CTNNAL1: variants seen among roughly 807,000 people sequenced by gnomAD.
The protein encoded by CTNNAL1 is catenin alpha like 1, also known as alpha-catulin.
A neutral mutation model predicts 93.6 loss-of-function variants in CTNNAL1; 69 were observed. The observed-to-expected ratio is 0.74, with a 90% CI of 0.61 to 0.90. The LOEUF (loss-of-function observed/expected upper bound fraction) is 0.90. CTNNAL1 is among the 40% of genes least tolerant of loss of function. The pLI is 0.00. For missense variants in CTNNAL1, 836 were observed against 862.0 expected, an observed-to-expected ratio of 0.97 and a Z score of 0.38; for synonymous variants, 286 against 305.4, an observed-to-expected ratio of 0.94 and a Z score of 0.66.
rs543938037 is a variant in CTNNAL1, at chr9:109,013,053, C to A, written c.141+249G>T. Among the ~76,000 whole-genome samples the A allele has an allele frequency of 2.6e-4, 40 of 152,298 alleles. No individual in the cohort carries two copies. The East Asian group carries it at 7.6e-3, about 29-fold the overall frequency. On this transcript the variant is annotated intron_variant, in intron 1 of 18. Transcript: ENST00000325551. ...CTGGGGGCAAAGGCCCAGGCCGGCACCCCCGCCCCGCAGCCTCCCCTGCTG... is the reference window on the plus strand; with the variant it reads ...CTGGGGGCAAAGGCCCAGGCCGGCAACCCCGCCCCGCAGCCTCCCCTGCTG...
At position 108,944,023 on chromosome 9, in the gene CTNNAL1, T is replaced by G. The variant is rs1473097655; in HGVS notation, c.1885-5A>C. ...TAAACCCTCTGCAGCAAAAACCTGG[T>G]AGAAAGAGAAAACACCACTATTTTA... On this transcript the variant is annotated splice_region_variant and splice_polypyrimidine_tract_variant and intron_variant, in intron 15 of 18. Transcript: ENST00000325551. 1 of 1,612,964 alleles carries G rather than the reference T, an allele frequency of 6.2e-7. No homozygotes were observed. Among genetic ancestry groups the G allele is most frequent in the East Asian group, 2.2e-5 (1 of 44,864 alleles).
chr9:108,957,058 T>A (rs1056137855), intron 11 of CTNNAL1, among the ~76,000 whole-genome samples: 2 of 151,766 alleles, frequency 1.3e-5, no homozygotes, highest in East Asian at 1.9e-4. Context: ...GATATTTGGG[T>A]TAAAAATTAT....
intron 4 of CTNNAL1, among the ~76,000 whole-genome samples, chr9:108,985,588 G>T (rs1419624189): frequency 6.6e-6 from 1 of 152,170 alleles, no homozygotes; most frequent in African/African-American, 2.4e-5. Flanking sequence ...TACAAATAGT[G>T]TACGACAAAG....
At chr9:108,963,332 C>T (rs1830868927) in intron 11 of CTNNAL1, among the ~76,000 whole-genome samples, 1 of 152,214 alleles carries the variant, frequency 6.6e-6, no homozygotes, top group Non-Finnish European at 1.5e-5. Flanking sequence ...GAAGGGGGCT[C>T]AGGCCCTTGG....
At chr9:108,973,990 G>A (rs1831190594) in intron 8 of CTNNAL1, among the ~76,000 whole-genome samples, 2 of 152,168 alleles carry the variant, frequency 1.3e-5, no homozygotes, top group South Asian at 4.1e-4. Flanking sequence ...TGTTTCACCA[G>A]CAGGACCTTA....
intron 9 of CTNNAL1, among the ~76,000 whole-genome samples, chr9:108,972,233 C>T (rs1414726950): frequency 6.6e-6 from 1 of 152,190 alleles, no homozygotes; most frequent in African/African-American, 2.4e-5. Context: ...CTTGCTACCA[C>T]TCGCCCCAAT....
intron 11 of CTNNAL1, among the ~76,000 whole-genome samples, chr9:108,962,548 C>G (rs1417800950): frequency 6.6e-6 from 1 of 152,064 alleles, no homozygotes; most frequent in Non-Finnish European, 1.5e-5. Flanking sequence ...TACAAAGAAG[C>G]AAGGAGTTTA....
chr9:108,961,248 G>A (rs906738246), intron 11 of CTNNAL1, among the ~76,000 whole-genome samples: 1 of 152,194 alleles, frequency 6.6e-6, no homozygotes, highest in African/African-American at 2.4e-5. Context: ...GCAGTGGGCA[G>A]GTGCAAGGTA....
At chr9:108,992,172 T>C (rs1831834755) in intron 3 of CTNNAL1, 2 of 635,012 alleles carry the variant, frequency 3.1e-6, no homozygotes, top group Non-Finnish European at 2.8e-6. Flanking sequence ...CCAAATGTTG[T>C]ACACATTTAA....
intron 1 of CTNNAL1, among the ~76,000 whole-genome samples, chr9:109,008,375 G>A (rs569757960): frequency 3.7e-4 from 56 of 152,014 alleles, no homozygotes; most frequent in Middle Eastern, 3.4e-3. Context: ...TCAAACTCCC[G>A]ACCTCAGGTG....
intron 1 of CTNNAL1, among the ~76,000 whole-genome samples, chr9:109,000,163 C>T (rs919654518): frequency 2.0e-5 from 3 of 152,204 alleles, no homozygotes; most frequent in South Asian, 2.1e-4. Flanking sequence ...AGTCTTGGCT[C>T]GGCGATTACT....
chr9:108,950,461 A>T (rs764089263), intron 14 of CTNNAL1: 10 of 1,539,902 alleles, frequency 6.5e-6, no homozygotes, highest in Non-Finnish European at 8.8e-6. Flanking sequence ...ACAGCTAAAC[A>T]GCAGCAAAAT....
chr9:109,005,337 G>A (rs900485745), intron 1 of CTNNAL1, among the ~76,000 whole-genome samples: 1 of 152,070 alleles, frequency 6.6e-6, no homozygotes, highest in African/African-American at 2.4e-5. Context: ...GTGGAAAGGA[G>A]TTTAAGTTCT....
At chr9:108,962,285 G>T (rs1356120802) in intron 11 of CTNNAL1, among the ~76,000 whole-genome samples, 1 of 152,050 alleles carries the variant, frequency 6.6e-6, no homozygotes, top group Non-Finnish European at 1.5e-5. Flanking sequence ...TTATTTTTAT[G>T]GTTATAATAG....
intron 15 of CTNNAL1, among the ~76,000 whole-genome samples, chr9:108,945,086 A>T (rs1830361741): frequency 6.6e-6 from 1 of 152,174 alleles, no homozygotes; most frequent in Admixed American, 6.5e-5. Context: ...TCTGTCTCAT[A>T]CAGTATGATG....
At chr9:108,967,226 A>G (rs569864069) in intron 10 of CTNNAL1, among the ~76,000 whole-genome samples, 1 of 152,230 alleles carries the variant, frequency 6.6e-6, no homozygotes, top group Non-Finnish European at 1.5e-5. Flanking sequence ...TATGAAGCTT[A>G]TACTCTAGTG....
At chr9:109,005,698 T>C (rs1290600665) in intron 1 of CTNNAL1, among the ~76,000 whole-genome samples, 1 of 152,246 alleles carries the variant, frequency 6.6e-6, no homozygotes, top group African/African-American at 2.4e-5. Context: ...CAGTCTATTT[T>C]TTATAGCAAT....
chr9:108,991,640 G>A (rs937716496), intron 3 of CTNNAL1, among the ~76,000 whole-genome samples: 2 of 152,084 alleles, frequency 1.3e-5, no homozygotes, highest in Admixed American at 6.5e-5. Flanking sequence ...AAGTTCAGGC[G>A]ACTAACACTG....
chr9:108,947,290 T>A (rs1830436158), intron 15 of CTNNAL1, among the ~76,000 whole-genome samples: 1 of 152,096 alleles, frequency 6.6e-6, no homozygotes, highest in Non-Finnish European at 1.5e-5. Flanking sequence ...ATTTTGTGTA[T>A]TTTTAGTGGA....
Sources: gnomAD v4.1 joint callset for allele counts (sites outside exome capture counted in the v4.1 genomes callset) on GRCh38, gnomAD v4.1.1 for gene constraint, MANE v1.5 for transcripts, NCBI Gene and HGNC (gene_info 2026-07-23, HGNC 2026-07-21) for gene names.